The following CD44 variants were observed in gnomAD, a reference collection of about 807,000 sequenced individuals.
CD44 encodes the protein CD44 antigen.
Under a neutral mutation model 88.8 loss-of-function variants are expected in CD44, and 49 were observed. The ratio of observed to expected loss-of-function variants is 0.55; its 90% CI spans 0.44 to 0.70. The LOEUF is 0.70. CD44 is among the 30% of genes least tolerant of loss of function. The pLI, the probability that CD44 is intolerant of heterozygous loss-of-function variation, is 0.00. For synonymous variants in CD44, 325 were observed against 312.3 expected (o/e 1.04, Z -0.43); for missense variants, 883 against 913.8 (o/e 0.97, Z 0.43).
chr11:35,187,307 CCTAAGA>C (rs1390376971), intron 4 of CD44, among the ~76,000 whole-genome samples: 1 of 151,996 alleles, frequency 6.6e-6, no homozygotes, highest in African/African-American at 2.4e-5. Flanking sequence ...TAGTCATTTC[CCTAAGA>C]CTAAGTAAGG....
chr11:35,144,448 T>G (rs1858692303), intron 1 of CD44, among the ~76,000 whole-genome samples: 1 of 152,210 alleles, frequency 6.6e-6, no homozygotes, highest in African/African-American at 2.4e-5. Flanking sequence ...TGTCCCTGCT[T>G]TAATGGGAAG....
chr11:35,150,436 C>T (rs1007205213), intron 1 of CD44, among the ~76,000 whole-genome samples: 3 of 152,240 alleles, frequency 2.0e-5, no homozygotes, highest in Middle Eastern at 3.4e-3. Flanking sequence ...CATCATAAAA[C>T]CAGAGAAACT....
chr11:35,196,984 T>C lies in CD44; in HGVS notation c.796+110T>C. 5 of 1,174,842 alleles carry C rather than the reference T, an allele frequency of 4.3e-6. No individual in the cohort carries two copies. In the East Asian group the frequency reaches 7.7e-5, roughly 18 times the overall value. 72.8% of individuals were successfully genotyped at this position (1,174,842 alleles called of 1,614,324 possible). A position where few individuals can be genotyped will look rare whatever the true frequency, so the allele number is the denominator to read the frequency against. Reference sequence around the variant, plus strand: ...CTAACGTTCCTTCTATTCTCACAAATTTTCGTTATGACTTCAGAAGGATCA... The same window carrying C: ...CTAACGTTCCTTCTATTCTCACAAACTTTCGTTATGACTTCAGAAGGATCA... On this transcript the variant is annotated intron_variant, in intron 6 of 17. Coordinates refer to ENST00000428726, the MANE Select transcript of CD44 (RefSeq NM_000610.4).
intron 5 of CD44, among the ~76,000 whole-genome samples, chr11:35,192,863 G>A (rs1487807743): frequency 6.7e-6 from 1 of 149,890 alleles, no homozygotes; most frequent in East Asian, 2.0e-4. Context: ...CTGCTGGCTA[G>A]GCAGTAGCTT....
At chr11:35,170,080 G>C (rs1943709837) in intron 1 of CD44, among the ~76,000 whole-genome samples, 1 of 152,192 alleles carries the variant, frequency 6.6e-6, no homozygotes, top group African/African-American at 2.4e-5. Context: ...TGATTATTAA[G>C]TGTCAAACAC....
chr11:35,175,720 C>G (rs888334396), intron 1 of CD44, among the ~76,000 whole-genome samples: 1 of 152,144 alleles, frequency 6.6e-6, no homozygotes, highest in Non-Finnish European at 1.5e-5. Context: ...GCAGAGCAAT[C>G]AATGGAGAGA....
At chr11:35,146,266 C>G (rs1018228999) in intron 1 of CD44, among the ~76,000 whole-genome samples, 6 of 152,116 alleles carry the variant, frequency 3.9e-5, no homozygotes, top group African/African-American at 1.4e-4. Context: ...AGGTCTTCAG[C>G]TTTTAAAAGT....
intron 5 of CD44, 95 bp from the exon 6 acceptor site, chr11:35,196,651 T>C (rs530360734): frequency 4.6e-6 from 6 of 1,309,036 alleles, no homozygotes; most frequent in South Asian, 1.4e-5. Context: ...TAGATGATTC[T>C]CTTGAGTAGT....
chr11:35,207,724 A>G (rs113323356), intron 11 of CD44, among the ~76,000 whole-genome samples: 2,391 of 152,216 alleles, frequency 0.016, 53 homozygotes, highest in African/African-American at 0.045. Flanking sequence ...GGGGGAGGGG[A>G]TAAAATGGTG....
chr11:35,232,215 A>C lies in CD44; in HGVS notation c.*2882A>C, dbSNP rs546686135. ...GTTTTCAAAGAATAGCCCATTGTTC[A>C]TTCTTGTGCTGTACAATGACCACTG... is the stretch of plus-strand genomic sequence containing the variant. On this transcript the variant is annotated 3_prime_UTR_variant, in exon 18 of 18. Transcript: ENST00000428726. 1 of 152,632 alleles carries C rather than the reference A, an allele frequency of 6.6e-6. No individual in the cohort carries two copies. Among genetic ancestry groups the C allele is most frequent in the East Asian group, 1.9e-4 (1 of 5,202 alleles). The allele number at this position is 152,632 out of a possible 1,614,324, so 9.5% of individuals were successfully genotyped here.
chr11:35,195,406 G>C (rs556580743), intron 5 of CD44, among the ~76,000 whole-genome samples: 1 of 151,880 alleles, frequency 6.6e-6, no homozygotes, highest in Admixed American at 6.6e-5. Context: ...CAATGTCTAA[G>C]ATCATGCAGG....
At chr11:35,178,435 G>T (rs539102717) in intron 2 of CD44, among the ~76,000 whole-genome samples, 17 of 152,200 alleles carry the variant, frequency 1.1e-4, no homozygotes, top group Non-Finnish European at 2.4e-4. Flanking sequence ...TAGCGAATTT[G>T]CACACACAGC....
chr11:35,229,662 C>A lies in CD44; in HGVS notation c.*329C>A, dbSNP rs896590635. The stretch of plus-strand genomic sequence containing the variant: ...CACATATGTATTCCTGATCGCCAAC[C>A]TTTCCCCCACCAGCTAAGGACATTT... On this transcript the variant is annotated 3_prime_UTR_variant, in exon 18 of 18. Coordinates refer to ENST00000428726, the MANE Select transcript of CD44 (RefSeq NM_000610.4). 13 of 263,012 alleles carry A rather than the reference C, an allele frequency of 4.9e-5. No individual in the cohort carries two copies. The highest frequency in any genetic ancestry group is 2.2e-4 in the African/African-American group (10 of 45,094). The allele number at this position is 263,012 out of a possible 1,614,324, so 16.3% of individuals were successfully genotyped here. A position where few individuals can be genotyped will look rare whatever the true frequency, so the allele number is the denominator to read the frequency against.
At chr11:35,180,202 T>C (rs1944855957) in intron 2 of CD44, 72 bp from the exon 3 acceptor site, 1 of 1,465,530 alleles carries the variant, frequency 6.8e-7, no homozygotes. Flanking sequence ...GCATTAAATG[T>C]CATTGAATGG....
At chr11:35,227,513 C>G (rs1949789570) in intron 17 of CD44, among the ~76,000 whole-genome samples, 1 of 152,184 alleles carries the variant, frequency 6.6e-6, no homozygotes, top group Non-Finnish European at 1.5e-5. Flanking sequence ...GACCATGCAT[C>G]CTGCTGGACT....
At chr11:35,176,799 G>T in intron 2 of CD44, 59 bp downstream of exon 2, 3 of 1,516,352 alleles carry the variant, frequency 2.0e-6, no homozygotes, top group Non-Finnish European at 2.7e-6. Context: ...AGGCAGCTGG[G>T]CTTAGAACTG....
chr11:35,151,449 T>C (rs1012533106), intron 1 of CD44, among the ~76,000 whole-genome samples: 1 of 152,044 alleles, frequency 6.6e-6, no homozygotes, highest in Non-Finnish European at 1.5e-5. Context: ...GGTTAGAGAG[T>C]GGCAATTTAA....
intron 2 of CD44, 59 bp downstream of exon 2, chr11:35,176,799 G>A: frequency 1.3e-6 from 2 of 1,516,352 alleles, no homozygotes; most frequent in South Asian, 2.4e-5. Flanking sequence ...AGGCAGCTGG[G>A]CTTAGAACTG....
At chr11:35,144,429 T>C (rs540820415) in intron 1 of CD44, among the ~76,000 whole-genome samples, 1 of 152,346 alleles carries the variant, frequency 6.6e-6, no homozygotes, top group East Asian at 1.9e-4. Flanking sequence ...GATGACTCAA[T>C]TTCCTTTGTG....
Sources: gnomAD v4.1 joint callset for allele counts (sites outside exome capture counted in the v4.1 genomes callset) on GRCh38, gnomAD v4.1.1 for gene constraint, MANE v1.5 for transcripts, NCBI Gene and HGNC (gene_info 2026-07-23, HGNC 2026-07-21) for gene names.